The following SLC17A5 variants were observed in gnomAD, a reference collection of about 807,000 sequenced individuals.
SLC17A5 encodes the protein sialin.
In SLC17A5, 47 loss-of-function variants were observed where a neutral mutation model predicts 59.4. The observed-to-expected ratio is 0.79, with a 90% CI of 0.63 to 1.01. The LOEUF (loss-of-function observed/expected upper bound fraction) is 1.01. Among genes scored for constraint, SLC17A5 ranks in the 50% least tolerant of loss-of-function variants. SLC17A5 has a pLI of 0.00. For missense variants in SLC17A5, 522 were observed against 595.5 expected (o/e 0.88, Z 1.28); for synonymous variants, 202 against 210.7 (o/e 0.96, Z 0.36).
At chr6:73,605,841 G>C (rs372231209) in intron 9 of SLC17A5, among the ~76,000 whole-genome samples, 153 of 152,034 alleles carry the variant, frequency 1.0e-3, no homozygotes, top group African/African-American at 3.5e-3. Context: ...GCAGGGTGTG[G>C]TGGCACATGC....
At chr6:73,637,087 A>AG in intron 4 of SLC17A5, among the ~76,000 whole-genome samples, 1 of 152,110 alleles carries the variant, frequency 6.6e-6, no homozygotes, top group East Asian at 1.9e-4. Context: ...TCAAAAAAAA[A>AG]AAAAAGGCTA....
chr6:73,653,334 T>C, intron 1 of SLC17A5: 1 of 985,458 alleles, frequency 1.0e-6, no homozygotes, highest in Non-Finnish European at 1.2e-6. Flanking sequence ...GCCCTCTGCC[T>C]ACTGATCTGC....
chr6:73,611,481 T>C (rs1476314121), intron 8 of SLC17A5, among the ~76,000 whole-genome samples: 1 of 152,156 alleles, frequency 6.6e-6, no homozygotes, highest in Non-Finnish European at 1.5e-5. Flanking sequence ...GGTTTCGCCA[T>C]GTTGGCCAGG....
chr6:73,606,746 C>A (rs1767408421), intron 9 of SLC17A5, among the ~76,000 whole-genome samples: 1 of 152,190 alleles, frequency 6.6e-6, no homozygotes, highest in Admixed American at 6.5e-5. Context: ...TGGTACAGTG[C>A]CTGGCACAGT....
intron 9 of SLC17A5, among the ~76,000 whole-genome samples, chr6:73,606,807 T>C (rs1767410172): frequency 6.6e-6 from 1 of 152,234 alleles, no homozygotes; most frequent in South Asian, 2.1e-4. Flanking sequence ...CACTGAAATT[T>C]AGTAGTGACA....
intron 2 of SLC17A5, among the ~76,000 whole-genome samples, chr6:73,644,136 G>A (rs964983251): frequency 6.6e-6 from 1 of 152,106 alleles, no homozygotes; most frequent in Admixed American, 6.6e-5. Context: ...TATAAAACAG[G>A]TTTTTCCAAA....
chr6:73,634,571 T>C (rs1337576569), intron 6 of SLC17A5, among the ~76,000 whole-genome samples: 1 of 152,156 alleles, frequency 6.6e-6, no homozygotes, highest in East Asian at 1.9e-4. Flanking sequence ...AGCTAATTTT[T>C]GTATTTTTAG....
intron 6 of SLC17A5, among the ~76,000 whole-genome samples, chr6:73,630,640 G>A (rs1768656944): frequency 6.6e-6 from 1 of 152,024 alleles, no homozygotes; most frequent in African/African-American, 2.4e-5. Context: ...TCCTCCTGCT[G>A]TTTTTTGCCT....
intron 6 of SLC17A5, among the ~76,000 whole-genome samples, chr6:73,632,521 T>C (rs9446957): frequency 0.16 from 22,631 of 141,488 alleles, 2,831 homozygotes; most frequent in African/African-American, 0.33. Flanking sequence ...CAGCTTACTA[T>C]ACCGTTGACT....
chr6:73,618,046 A>G (rs906749179), intron 7 of SLC17A5, among the ~76,000 whole-genome samples: 2 of 152,000 alleles, frequency 1.3e-5, no homozygotes, highest in African/African-American at 4.8e-5. Flanking sequence ...CCTGGCCAAC[A>G]TGGTAAAACC....
chr6:73,641,934 T>C lies in SLC17A5; in HGVS notation c.292-10A>G, dbSNP rs756312874. ...ATTGGTACTTCTTACCCTACAAAAA[T>C]CAGAAAAGAATAAAACAATCCTTTA... On this transcript the variant is annotated splice_polypyrimidine_tract_variant and intron_variant, in intron 2 of 10. Transcript: ENST00000355773. The C allele has an allele frequency of 6.2e-7, 1 of 1,609,352 alleles. No homozygotes were observed. Among genetic ancestry groups the C allele is most frequent in the Non-Finnish European group, 8.5e-7 (1 of 1,175,732 alleles).
chr6:73,596,579 G>A (rs1012597599), intron 10 of SLC17A5, among the ~76,000 whole-genome samples: 3 of 152,148 alleles, frequency 2.0e-5, no homozygotes, highest in Admixed American at 6.5e-5. Context: ...ACACACGGCC[G>A]GGCGTGGTGG....
chr6:73,636,960 T>G (rs1358327370), intron 4 of SLC17A5, among the ~76,000 whole-genome samples: 1 of 151,944 alleles, frequency 6.6e-6, no homozygotes, highest in Non-Finnish European at 1.5e-5. Flanking sequence ...GATGCACGCC[T>G]GTAGTACCAG....
At chr6:73,615,559 T>TCCC in intron 7 of SLC17A5, 112 bp from the exon 8 acceptor site, 1 of 1,045,658 alleles carries the variant, frequency 9.6e-7, no homozygotes, top group South Asian at 1.4e-5. Context: ...TGCATAGCAA[T>TCCC]ATGTTGTTAA....
At chr6:73,595,384 C>G (rs977788391) in intron 10 of SLC17A5, among the ~76,000 whole-genome samples, 170 bp from the exon 11 acceptor site, 10 of 152,170 alleles carry the variant, frequency 6.6e-5, no homozygotes, top group African/African-American at 2.4e-4. Context: ...ATTTGTTCAA[C>G]GTAATACAAT....
Position 73,635,471 on chromosome 6 carries a change from A to C in SLC17A5, c.730T>G (p.Trp244Gly), listed in dbSNP as rs777747390. Reference protein sequence around the residue: ...GTIGIFWFLLWIWLVSDTPQK... With the variant: ...GTIGIFWFLLGIWLVSDTPQK... ...GGTGTGTCACTAACTAACCAGATCC[A>C]CAAAAGAAACCAAAATATTCCAATA... Residue 244 changes from tryptophan (W) to glycine (G), a missense_variant, in exon 6 of 11, where the codon TGG becomes GGG. Around this residue, in one of 3 missense-constraint regions of SLC17A5, gnomAD observed 338 missense variants for 363.8 expected, o/e 0.93. Transcript: ENST00000355773. The C allele has an allele frequency of 5.0e-6, 8 of 1,599,822 alleles. No homozygotes were observed. Among genetic ancestry groups the C allele is most frequent in the Non-Finnish European group, 6.0e-6 (7 of 1,170,226 alleles).
intron 2 of SLC17A5, among the ~76,000 whole-genome samples, chr6:73,642,918 T>C (rs1769354898): frequency 6.6e-6 from 1 of 152,208 alleles, no homozygotes; most frequent in African/African-American, 2.4e-5. Flanking sequence ...TCCAGCAGTA[T>C]TGTCCCTGAA....
chr6:73,601,636 T>C (rs1417146249), intron 9 of SLC17A5, among the ~76,000 whole-genome samples: 1 of 34,528 alleles, frequency 2.9e-5, no homozygotes, highest in Non-Finnish European at 5.7e-5. Flanking sequence ...GGGAGGGAGG[T>C]GGGGGGGGGT....
At chr6:73,652,385 A>G (rs998328961) in intron 1 of SLC17A5, among the ~76,000 whole-genome samples, 1 of 152,152 alleles carries the variant, frequency 6.6e-6, no homozygotes, top group African/African-American at 2.4e-5. Flanking sequence ...TTTTCTATCC[A>G]CATCTCTGCT....
Sources: allele counts gnomAD v4.1 joint callset (sites outside exome capture counted in the v4.1 genomes callset), GRCh38; gene constraint gnomAD v4.1.1; regional missense constraint gnomAD v4.1.1; transcripts MANE v1.5; gene names NCBI Gene and HGNC (gene_info 2026-07-23, HGNC 2026-07-21).